ARMC2: variants seen among roughly 807,000 people sequenced by gnomAD.
ARMC2 encodes armadillo repeat-containing protein 2.
ARMC2 carries 67 observed loss-of-function variants against 90.3 expected under a neutral mutation model. That is an observed-to-expected ratio of 0.74 (90% CI 0.61 to 0.91). The LOEUF is 0.91. Ranked by LOEUF, ARMC2 falls within the 40% of genes least tolerant of loss-of-function variation. The probability of loss-of-function intolerance (pLI) is 0.00; values close to 1 mark genes in which losing one functional copy is unlikely to be tolerated. For missense variants in ARMC2, 920 were observed against 1,030.9 expected (o/e 0.89, Z 1.47); for synonymous variants, 393 against 393.0 (o/e 1.00, Z 0.00).
chr6:108,959,619 C>T (rs1443005661), intron 13 of ARMC2: 1 of 152,130 alleles, frequency 6.6e-6, no homozygotes, highest in Non-Finnish European at 1.5e-5. Context: ...CAGTCACTGG[C>T]TCAGTGTTGC....
intron 8 of ARMC2, among the ~76,000 whole-genome samples, chr6:108,905,325 G>C (rs78584263): frequency 6.6e-6 from 1 of 152,300 alleles, no homozygotes; most frequent in Admixed American, 6.5e-5. Context: ...TGTAATATCA[G>C]GGGGAGGCTA....
At chr6:108,855,303 CAG>C (rs1774446206) in intron 2 of ARMC2, among the ~76,000 whole-genome samples, 1 of 147,748 alleles carries the variant, frequency 6.8e-6, no homozygotes, top group Admixed American at 6.8e-5. Context: ...GGCTGGAGTG[CAG>C]TGGCACGATC....
chr6:108,894,320 C>A, intron 5 of ARMC2, 147 bp from the exon 6 acceptor site: 1 of 638,238 alleles, frequency 1.6e-6, no homozygotes, highest in Non-Finnish European at 2.4e-6. Flanking sequence ...GAGCTATGAT[C>A]ACAGCACCAC....
chr6:108,938,095 G>T (rs1337570824), intron 12 of ARMC2, among the ~76,000 whole-genome samples: 1 of 152,204 alleles, frequency 6.6e-6, no homozygotes, highest in Non-Finnish European at 1.5e-5. Flanking sequence ...CATCAACTTA[G>T]TGAGATATTT....
the ARMC2 span, among the ~76,000 whole-genome samples, chr6:109,022,012 C>T: frequency 7.9e-5 from 12 of 151,954 alleles, no homozygotes; most frequent in African/African-American, 2.7e-4. Flanking sequence ...ATCATTCAGT[C>T]AACCAGTGTT....
At position 108,899,712 on chromosome 6, in the gene ARMC2, A is replaced by G. The variant is rs1583049372; in HGVS notation, c.767A>G (p.Gln256Arg). 6.2e-7 allele frequency: 1 copy of G among 1,613,662 alleles called. No homozygotes were observed. Among genetic ancestry groups the G allele is most frequent in the Non-Finnish European group, 8.5e-7 (1 of 1,179,756 alleles). ...QTKAVPKADLQEEDAEIEVDE... is the reference protein window; with the variant it reads ...QTKAVPKADLREEDAEIEVDE... ...TTTGCAGTCCCAAAAGCTGACCTGC[A>G]AGAAGAGGACGCAGAAATAGAAGTA... The change falls in exon 7 of 18, where the codon CAA becomes CGA. Residue 256 changes from glutamine (Q) to arginine (R), a missense_variant. Gln to Arg is a conservative substitution (Grantham distance 43). Coordinates refer to ENST00000392644, the MANE Select transcript of ARMC2 (RefSeq NM_032131.6).
intron 12 of ARMC2, among the ~76,000 whole-genome samples, chr6:108,942,320 A>AT (rs35542974): frequency 1.3e-5 from 2 of 152,144 alleles, no homozygotes; most frequent in Admixed American, 6.5e-5. Context: ...AATAATAAGA[A>AT]TTTTTTTCCC....
the ARMC2 span, among the ~76,000 whole-genome samples, chr6:109,040,738 T>C: frequency 6.6e-6 from 1 of 151,856 alleles, no homozygotes; most frequent in Non-Finnish European, 1.5e-5. Flanking sequence ...CTGCAAGCTC[T>C]GCCTCCTGGG....
Position 108,960,207 on chromosome 6 carries a change from C to CT in ARMC2, c.1916-1365_1916-1364insT, listed in dbSNP as rs1554259318. Reference sequence around the variant, plus strand: ...TCAACATCTACCCAATTATGTGCACCGGCGGGGGACACCCCGGGTGATTCC... The same window carrying CT: ...TCAACATCTACCCAATTATGTGCACCTGGCGGGGGACACCCCGGGTGATTCC... On this transcript the variant is annotated intron_variant, in intron 13 of 17. Coordinates refer to ENST00000392644, the MANE Select transcript of ARMC2 (RefSeq NM_032131.6). Among the ~76,000 whole-genome samples the CT allele has an allele frequency of 8.7e-3, 1,328 of 152,160 alleles. 24 individuals are homozygous for CT. The highest frequency in any genetic ancestry group is 0.031 in the African/African-American group (1,276 of 41,478).
intron 11 of ARMC2, among the ~76,000 whole-genome samples, chr6:108,931,523 A>C (rs1775562209): frequency 6.6e-6 from 1 of 151,936 alleles, no homozygotes; most frequent in Non-Finnish European, 1.5e-5. Context: ...TGATTGAACT[A>C]ATTTATACTC....
chr6:108,920,887 A>G (rs970938766), intron 10 of ARMC2, among the ~76,000 whole-genome samples: 1 of 152,126 alleles, frequency 6.6e-6, no homozygotes, highest in African/African-American at 2.4e-5. Context: ...TTCCTGTCCC[A>G]AGCTCACCAA....
At chr6:108,987,861 G>A in the ARMC2 span, among the ~76,000 whole-genome samples, 20 of 147,738 alleles carry the variant, frequency 1.4e-4, no homozygotes, top group Non-Finnish European at 1.3e-4. Flanking sequence ...CGGGTGCAGT[G>A]GCACGATCTT....
the ARMC2 span, among the ~76,000 whole-genome samples, chr6:109,046,296 GC>G: frequency 1.3e-5 from 2 of 151,716 alleles, no homozygotes; most frequent in Non-Finnish European, 2.9e-5. Flanking sequence ...TGTTGGCCGG[GC>G]CGGTCTCCAG....
At chr6:108,848,779 G>A (rs1296192748) in intron 1 of ARMC2, 2 of 152,374 alleles carry the variant, frequency 1.3e-5, no homozygotes, top group African/African-American at 2.4e-5. Flanking sequence ...CCGTGGAGGA[G>A]CGGGCACTGC....
At chr6:108,976,449 G>T (rs1432606392), downstream of ARMC2, among the ~76,000 whole-genome samples, 1 of 152,112 alleles carries the variant, frequency 6.6e-6, no homozygotes, top group Non-Finnish European at 1.5e-5. Flanking sequence ...GATGCCTCCA[G>T]CTTTGTTCTT....
At chr6:108,894,330 C>T in intron 5 of ARMC2, 137 bp from the exon 6 acceptor site, 1 of 711,732 alleles carries the variant, frequency 1.4e-6, no homozygotes, top group South Asian at 2.5e-5. Flanking sequence ...CACAGCACCA[C>T]TGTTCTCTAG....
chr6:108,854,609 A>G (rs1774346899), intron 2 of ARMC2, 124 bp downstream of exon 2: 1 of 916,346 alleles, frequency 1.1e-6, no homozygotes, highest in African/African-American at 1.7e-5. Context: ...TTAAGTTCAC[A>G]GCAAAATTGA....
chr6:108,965,112 ACT>A lies in ARMC2; in HGVS notation c.2421_2422del (p.Leu808ThrfsTer9), dbSNP rs1778269498. The A allele has an allele frequency of 1.2e-6, 2 of 1,611,708 alleles. No individual in the cohort carries two copies. Among genetic ancestry groups the A allele is most frequent in the African/African-American group, 2.7e-5 (2 of 74,790 alleles). ...SCFGNEDTNT[L>X]LLLLSSFLDE... ...GTTTTGGAAATGAAGACACCAACAC[ACT>A]CTTACTCTTGCTCTCATCATTTTTA... On this transcript the variant is annotated frameshift_variant, in exon 17 of 18. Transcript: ENST00000392644. LOFTEE classifies it high-confidence loss of function.
intron 13 of ARMC2, among the ~76,000 whole-genome samples, chr6:108,959,051 C>G (rs1470683438): frequency 2.6e-5 from 4 of 152,168 alleles, no homozygotes; most frequent in African/African-American, 9.7e-5. Context: ...CAAAATAATT[C>G]AGTTCCTTAT....
Sources: gnomAD v4.1 joint callset for allele counts (sites outside exome capture counted in the v4.1 genomes callset) on GRCh38, gnomAD v4.1.1 for gene constraint, MANE v1.5 for transcripts, NCBI Gene and HGNC (gene_info 2026-07-23, HGNC 2026-07-21) for gene names.